UNC79: variants seen among roughly 807,000 people sequenced by gnomAD.
UNC79 encodes the protein unc-79 subunit of NALCN channel complex.
In UNC79, 37 loss-of-function variants were observed where a neutral mutation model predicts 283.1. That is an observed-to-expected ratio of 0.13 (90% CI 0.10 to 0.17). The LOEUF (loss-of-function observed/expected upper bound fraction) is 0.17, where lower values mean the gene tolerates loss of function less well. Among genes scored for constraint, UNC79 ranks in the 10% least tolerant of loss-of-function variants. UNC79 has a pLI of 1.00. For synonymous variants in UNC79, 1,107 were observed against 1,200.2 expected, an observed-to-expected ratio of 0.92 and a Z score of 1.61; for missense variants, 2,272 against 3,211.1, an observed-to-expected ratio of 0.71 and a Z score of 7.07.
rs149091799 is a variant in UNC79, at chr14:93,400,083, T to C, written c.-351+66560T>C. Among the ~76,000 whole-genome samples the C allele has an allele frequency of 5.9e-5, 9 of 152,300 alleles. No homozygotes were observed. In the East Asian group the frequency reaches 7.7e-4, roughly 13 times the overall value. On this transcript the variant is annotated intron_variant, in intron 1 of 49. Transcript: ENST00000256339. Reference sequence around the variant, plus strand: ...CCTATTTGCCATTGATATATCTGTGTTCTCCTCTTCCTATGACCAACTGGC... The same window carrying C: ...CCTATTTGCCATTGATATATCTGTGCTCTCCTCTTCCTATGACCAACTGGC...
chr14:93,535,145 A>G (rs1013514876), intron 11 of UNC79, among the ~76,000 whole-genome samples: 9 of 152,334 alleles, frequency 5.9e-5, no homozygotes, highest in African/African-American at 2.2e-4. Flanking sequence ...CAGTGAAGCA[A>G]AGTGGTTGGA....
chr14:93,486,882 G>A (rs1038271850), intron 4 of UNC79, among the ~76,000 whole-genome samples: 7 of 152,172 alleles, frequency 4.6e-5, no homozygotes, highest in East Asian at 1.9e-4. Flanking sequence ...ATTATACAGC[G>A]GTAAGATGGA....
chr14:93,681,947 G>A (rs973655710), intron 41 of UNC79, among the ~76,000 whole-genome samples: 1 of 152,178 alleles, frequency 6.6e-6, no homozygotes, highest in Non-Finnish European at 1.5e-5. Flanking sequence ...TGAGGTGTCC[G>A]GCACCAAGCT....
intron 7 of UNC79, among the ~76,000 whole-genome samples, chr14:93,518,440 A>C (rs554798124): frequency 2.0e-5 from 3 of 151,670 alleles, no homozygotes; most frequent in East Asian, 1.9e-4. Flanking sequence ...ATGAATTTTC[A>C]ATTTTTTTTT....
intron 26 of UNC79, among the ~76,000 whole-genome samples, chr14:93,610,092 G>C (rs1276747524): frequency 6.6e-6 from 1 of 152,124 alleles, no homozygotes; most frequent in Non-Finnish European, 1.5e-5. Flanking sequence ...GAAAACTCAG[G>C]GTTGCACATT....
intron 14 of UNC79, among the ~76,000 whole-genome samples, chr14:93,555,396 T>C: frequency 6.6e-6 from 1 of 152,076 alleles, no homozygotes; most frequent in Non-Finnish European, 1.5e-5. Context: ...TTTAAGATTT[T>C]CTTCCTTTTT....
chr14:93,354,252 A>G (rs1445403097), intron 1 of UNC79, among the ~76,000 whole-genome samples: 1 of 152,230 alleles, frequency 6.6e-6, no homozygotes, highest in Non-Finnish European at 1.5e-5. Context: ...AAATCCTTAC[A>G]GGCTGTGTTT....
At chr14:93,643,568 G>A (rs1399904446) in exon 34 of UNC79, 1 of 1,613,938 alleles carries the variant, frequency 6.2e-7, no homozygotes, top group Admixed American at 1.7e-5. Flanking sequence ...TGCCATGACT[G>A]TGGGGCCATT....
At chr14:93,542,971 G>GAAATGATGTTTCATTTC (rs2061442427) in intron 14 of UNC79, among the ~76,000 whole-genome samples, 6 of 87,510 alleles carry the variant, frequency 6.9e-5, no homozygotes, top group Admixed American at 4.6e-4. Context: ...TTTTTTTTTT[G>GAAATGATGTTTCATTTC]AAATGGGATC....
chr14:93,385,558 C>T (rs910462989), intron 1 of UNC79, among the ~76,000 whole-genome samples: 5 of 152,224 alleles, frequency 3.3e-5, no homozygotes, highest in Admixed American at 1.3e-4. Context: ...GTGGGCGGAT[C>T]ACTTGAGGCC....
chr14:93,681,615 T>C (rs2073851569), intron 41 of UNC79, among the ~76,000 whole-genome samples: 1 of 152,148 alleles, frequency 6.6e-6, no homozygotes, highest in South Asian at 2.1e-4. Flanking sequence ...ACAAAATGAA[T>C]GAGAAGGCGG....
intron 32 of UNC79, among the ~76,000 whole-genome samples, chr14:93,637,761 T>A (rs999221455): frequency 6.6e-6 from 1 of 152,144 alleles, no homozygotes; most frequent in African/African-American, 2.4e-5. Context: ...CCTGGCCTCT[T>A]CTATAATTTT....
chr14:93,651,687 A>G (rs2070279810), intron 35 of UNC79, among the ~76,000 whole-genome samples: 1 of 152,150 alleles, frequency 6.6e-6, no homozygotes, highest in Non-Finnish European at 1.5e-5. Context: ...TGGAAAAATC[A>G]TCTGTAAATA....
At chr14:93,534,213 T>C (rs1429592730) in intron 11 of UNC79, among the ~76,000 whole-genome samples, 1 of 152,228 alleles carries the variant, frequency 6.6e-6, no homozygotes, top group Non-Finnish European at 1.5e-5. Context: ...CTGGTTTTGT[T>C]TCCTAGAAAT....
At chr14:93,490,605 T>TA (rs1351842044) in intron 5 of UNC79, among the ~76,000 whole-genome samples, 1 of 152,224 alleles carries the variant, frequency 6.6e-6, no homozygotes, top group Admixed American at 6.5e-5. Flanking sequence ...GGATGGCCTT[T>TA]CCTCCACTTT....
intron 32 of UNC79, among the ~76,000 whole-genome samples, chr14:93,638,123 C>T (rs1374170651): frequency 6.6e-6 from 1 of 152,150 alleles, no homozygotes; most frequent in African/African-American, 2.4e-5. Flanking sequence ...ATTAACCTAT[C>T]ATTGGTAGAA....
chr14:93,616,340 T>G (rs570899247), intron 27 of UNC79, among the ~76,000 whole-genome samples: 21 of 151,188 alleles, frequency 1.4e-4, no homozygotes, highest in African/African-American at 4.8e-4. Context: ...TTAGACGGTA[T>G]ATGCTTTTTC....
chr14:93,688,677 A>G lies in UNC79; in HGVS notation c.6922A>G (p.Thr2308Ala), dbSNP rs757975470. 1 of 1,613,694 alleles carries G rather than the reference A, an allele frequency of 6.2e-7. No homozygotes were observed. The highest frequency in any genetic ancestry group is 8.5e-7 in the Non-Finnish European group (1 of 1,179,778). The change falls in exon 44 of 49, where the codon ACA becomes GCA. Residue 2308 changes from threonine to alanine, a missense_variant. Thr to Ala is a moderately conservative substitution (Grantham distance 58). Around this residue, in one of 11 missense-constraint regions of UNC79, gnomAD observed 287 missense variants for 446.4 expected, o/e 0.64. Transcript: ENST00000555664. The surrounding 1 kb of genome is among the most constrained non-coding windows in gnomAD (Gnocchi z 4.0). Reference sequence around the variant, plus strand: ...TTCGGTTTTGTAGAGCCACATGAAGACATGTTCCCAGCCTCTGCATGAAGA... The same window carrying G: ...TTCGGTTTTGTAGAGCCACATGAAGGCATGTTCCCAGCCTCTGCATGAAGA...
At chr14:93,643,755 G>A in intron 34 of UNC79, 58 bp downstream of exon 37, 1 of 1,581,910 alleles carries the variant, frequency 6.3e-7, no homozygotes, top group Non-Finnish European at 8.6e-7. Context: ...TCTCTATCTT[G>A]AACTAAAAAC....
Sources: allele counts gnomAD v4.1 joint callset (sites outside exome capture counted in the v4.1 genomes callset), GRCh38; gene constraint gnomAD v4.1.1; regional missense constraint gnomAD v4.1.1; non-coding constraint Gnocchi (gnomAD v3.1); transcripts MANE v1.5; gene names NCBI Gene and HGNC (gene_info 2026-07-23, HGNC 2026-07-21).